Variants in POLN observed in about 807,000 individuals in gnomAD.
POLN encodes DNA polymerase nu.
A neutral mutation model predicts 113.5 loss-of-function variants in POLN; 108 were observed. That is an observed-to-expected ratio of 0.95 (90% CI 0.81 to 1.12). The LOEUF is 1.12. Ranked by LOEUF, POLN falls within the 50% of genes most tolerant of loss-of-function variation. The pLI is 0.00. For synonymous variants in POLN, 386 were observed against 391.5 expected (o/e 0.99, Z 0.17); for missense variants, 1,097 against 1,077.1 (o/e 1.02, Z -0.26).
chr4:2,196,681 G>C (rs1048465228), intron 6 of POLN, among the ~76,000 whole-genome samples: 1 of 151,750 alleles, frequency 6.6e-6, no homozygotes, highest in African/African-American at 2.4e-5. Context: ...TCATGAGAGG[G>C]CAAAACAATA....
chr4:2,147,809 AT>A (rs1219940395), intron 16 of POLN, among the ~76,000 whole-genome samples: 2 of 151,818 alleles, frequency 1.3e-5, no homozygotes, highest in African/African-American at 2.4e-5. Flanking sequence ...TGCCCAGCTA[AT>A]TTTTGAATTT....
rs2108723484 is a variant in POLN, at chr4:2,127,072, C to T, written c.1982+1041G>A. Reference sequence around the variant, plus strand: ...TCTCCCACCCCCAGGTGCTGGGCAGCCTTTCTGTGTGACATCGTGAGGGTG... The same window carrying T: ...TCTCCCACCCCCAGGTGCTGGGCAGTCTTTCTGTGTGACATCGTGAGGGTG... On this transcript the variant is annotated intron_variant, in intron 19 of 25. Transcript: ENST00000511885. The surrounding 1 kb of genome is among the most constrained non-coding windows in gnomAD (Gnocchi z 4.7). Among the ~76,000 whole-genome samples, 1 of 151,958 alleles carries T rather than the reference C, an allele frequency of 6.6e-6. No individual in the cohort carries two copies. Among genetic ancestry groups the T allele is most frequent in the African/African-American group, 2.4e-5 (1 of 41,440 alleles).
chr4:2,122,676 G>T (rs1455465879), intron 19 of POLN, among the ~76,000 whole-genome samples: 3 of 152,116 alleles, frequency 2.0e-5, no homozygotes, highest in Non-Finnish European at 4.4e-5. Flanking sequence ...TGTTTAGCAG[G>T]TCATGGAAAA....
intron 16 of POLN, among the ~76,000 whole-genome samples, chr4:2,146,823 C>T (rs1312166622): frequency 2.0e-5 from 3 of 151,944 alleles, no homozygotes; most frequent in Non-Finnish European, 4.4e-5. Context: ...TGAAGGCAGG[C>T]GAAAGCATGA....
chr4:2,153,037 G>T, intron 16 of POLN, among the ~76,000 whole-genome samples: 1 of 152,204 alleles, frequency 6.6e-6, no homozygotes, highest in East Asian at 1.9e-4. Context: ...TACGTGCATG[G>T]TGTTCATTGC....
At chr4:2,233,404 T>C (rs967530877) in intron 2 of POLN, among the ~76,000 whole-genome samples, 1 of 151,734 alleles carries the variant, frequency 6.6e-6, no homozygotes, top group Non-Finnish European at 1.5e-5. Context: ...AAGATTAGAG[T>C]GAGATTACCA....
intron 14 of POLN, 147 bp from the exon 15 acceptor site, chr4:2,158,058 T>G: frequency 2.1e-6 from 1 of 468,974 alleles, no homozygotes; most frequent in East Asian, 3.7e-5. Flanking sequence ...GTCAAGTGAT[T>G]CTCTTGCCTC....
intron 4 of POLN, among the ~76,000 whole-genome samples, chr4:2,209,230 C>A (rs748164069): frequency 1.3e-5 from 2 of 151,920 alleles, no homozygotes; most frequent in East Asian, 3.9e-4. Context: ...ACCTGTAATC[C>A]CAATACTTTG....
At chr4:2,162,463 G>A (rs1732622856) in intron 13 of POLN, among the ~76,000 whole-genome samples, 3 of 152,206 alleles carry the variant, frequency 2.0e-5, no homozygotes, top group African/African-American at 7.2e-5. Flanking sequence ...GCGAGGGTCT[G>A]CGGCTTCATT....
chr4:2,089,350 T>G lies in POLN; in HGVS notation c.2066-3606A>C, dbSNP rs1577684508. On this transcript the variant is annotated intron_variant, in intron 20 of 25. Transcript: ENST00000511885. ...TGATATTCCTGGTGAAGACTGACAG[T>G]GATTTGCTAATTGTGACAGGGGAAA... 1.9e-5 allele frequency: 26 copies of G among 1,388,072 alleles called. No individual in the cohort carries two copies. The East Asian group carries it at 6.0e-4, about 32-fold the overall frequency. The allele number at this position is 1,388,072 out of a possible 1,614,324, so 86.0% of individuals were successfully genotyped here. A position where few individuals can be genotyped will look rare whatever the true frequency, so the allele number is the denominator to read the frequency against.
chr4:2,102,618 C>A (rs1190563610), intron 19 of POLN, among the ~76,000 whole-genome samples: 3 of 152,198 alleles, frequency 2.0e-5, no homozygotes, highest in Non-Finnish European at 2.9e-5. Context: ...ACTGGTCTGC[C>A]TGGAACCGCC....
intron 2 of POLN, chr4:2,232,112 T>G: frequency 6.3e-7 from 1 of 1,598,600 alleles, no homozygotes. Flanking sequence ...AGGAGATGAT[T>G]TAGCTTATTC....
intron 16 of POLN, chr4:2,140,719 G>C (rs376491473): frequency 1.3e-5 from 2 of 152,118 alleles, no homozygotes; most frequent in East Asian, 3.9e-4. Context: ...CTGCACTCCA[G>C]CCTGGATGAC....
At chr4:2,139,070 G>A (rs1385834129) in intron 16 of POLN, among the ~76,000 whole-genome samples, 1 of 152,092 alleles carries the variant, frequency 6.6e-6, no homozygotes, top group African/African-American at 2.4e-5. Flanking sequence ...GAGCAAGGAT[G>A]AGCACCCTTG....
At chr4:2,131,383 T>G in intron 16 of POLN, 93 bp from the exon 17 acceptor site, 1 of 826,630 alleles carries the variant, frequency 1.2e-6, no homozygotes. Context: ...TTATTAAACA[T>G]TAAAACAAGT....
chr4:2,165,388 A>T (rs901740922), intron 13 of POLN, among the ~76,000 whole-genome samples: 4 of 152,228 alleles, frequency 2.6e-5, no homozygotes, highest in African/African-American at 9.6e-5. Flanking sequence ...CTGTGGAAAC[A>T]GTAAAAAGCA....
chr4:2,237,260 A>G (rs559675382), intron 2 of POLN, among the ~76,000 whole-genome samples: 2 of 146,898 alleles, frequency 1.4e-5, no homozygotes, highest in African/African-American at 5.3e-5. Flanking sequence ...TTGAAGCCCC[A>G]TCTCTACAAA....
intron 19 of POLN, among the ~76,000 whole-genome samples, chr4:2,118,125 T>G (rs538449477): frequency 1.0e-3 from 152 of 152,350 alleles, no homozygotes; most frequent in African/African-American, 3.5e-3. Flanking sequence ...GCAGGTACCT[T>G]GAGTTTATCA....
intron 7 of POLN, among the ~76,000 whole-genome samples, chr4:2,191,567 C>G (rs971049292): frequency 6.6e-6 from 1 of 151,820 alleles, no homozygotes; most frequent in African/African-American, 2.4e-5. Context: ...GATTATTACA[C>G]ATTATATGAA....
Sources: allele counts gnomAD v4.1 joint callset (sites outside exome capture counted in the v4.1 genomes callset), GRCh38; gene constraint gnomAD v4.1.1; non-coding constraint Gnocchi (gnomAD v3.1); transcripts MANE v1.5; gene names NCBI Gene and HGNC (gene_info 2026-07-23, HGNC 2026-07-21).